The following CHCHD3 variants were observed in gnomAD, a reference collection of about 807,000 sequenced individuals.
CHCHD3 encodes MICOS complex subunit MIC19.
CHCHD3 carries 20 observed loss-of-function variants against 38.2 expected under a neutral mutation model. That is an observed-to-expected ratio of 0.52 (90% CI 0.37 to 0.76). CHCHD3 has a LOEUF of 0.76. CHCHD3 is among the 30% of genes least tolerant of loss of function. The pLI is 0.00. For synonymous variants in CHCHD3, 82 were observed against 100.0 expected (o/e 0.82, Z 1.07); for missense variants, 245 against 279.2 (o/e 0.88, Z 0.87).
chr7:132,856,292 T>TG (rs1808341216), intron 5 of CHCHD3, among the ~76,000 whole-genome samples: 1 of 152,166 alleles, frequency 6.6e-6, no homozygotes, highest in Non-Finnish European at 1.5e-5. Flanking sequence ...AGGCAGACAC[T>TG]GGGGATTTAG....
intron 4 of CHCHD3, among the ~76,000 whole-genome samples, chr7:132,940,530 G>T (rs747858457): frequency 6.6e-6 from 1 of 152,192 alleles, no homozygotes; most frequent in East Asian, 1.9e-4. Context: ...CGGTTCAGGG[G>T]TTTGGTTTTG....
chr7:132,971,152 A>G (rs1303009573), intron 4 of CHCHD3, among the ~76,000 whole-genome samples: 1 of 152,214 alleles, frequency 6.6e-6, no homozygotes, highest in African/African-American at 2.4e-5. Flanking sequence ...TACAATACAC[A>G]TATCAAGTTG....
chr7:133,053,361 C>A (rs1368335661), intron 2 of CHCHD3, among the ~76,000 whole-genome samples: 2 of 152,176 alleles, frequency 1.3e-5, no homozygotes, highest in Non-Finnish European at 2.9e-5. Context: ...TTGCAACACT[C>A]AGAGAATCTC....
At position 132,975,348 on chromosome 7, in the gene CHCHD3, T is replaced by C. The variant is rs1811736134; in HGVS notation, c.252-62A>G. On this transcript the variant is annotated intron_variant, in intron 3 of 7. Coordinates refer to ENST00000262570, the MANE Select transcript of CHCHD3 (RefSeq NM_017812.4). ...TTTTATTAGTTGACATTATTTTCTA[T>C]CAAATGAAATAATTTAAAAATAGAA... 5 of 1,354,780 alleles carry C rather than the reference T, an allele frequency of 3.7e-6. No individual in the cohort carries two copies. In the South Asian group the frequency reaches 6.2e-5, roughly 17 times the overall value. 83.9% of individuals were successfully genotyped at this position (1,354,780 alleles called of 1,614,324 possible).
At position 132,931,201 on chromosome 7, in the gene CHCHD3, G is replaced by T. The variant is rs185678898; in HGVS notation, c.369+43968C>A. On this transcript the variant is annotated intron_variant, in intron 4 of 7. Transcript: ENST00000262570. Reference sequence around the variant, plus strand: ...ATCCAGTTACTGAACTTTTTGATTCGCATTCCCCTCATCAATAAATGTTAA... The same window carrying T: ...ATCCAGTTACTGAACTTTTTGATTCTCATTCCCCTCATCAATAAATGTTAA... 1.6e-3 allele frequency among the ~76,000 whole-genome samples: 237 copies of T among 152,132 alleles called. 1 individual carries two copies. Among genetic ancestry groups the T allele is most frequent in the Middle Eastern group, 6.8e-3 (2 of 294 alleles).
chr7:133,035,361 G>A lies in CHCHD3; in HGVS notation c.170-10734C>T, dbSNP rs540782491. 1.9e-6 allele frequency: 3 copies of A among 1,612,360 alleles called. No individual in the cohort carries two copies. In the African/African-American group the frequency reaches 4.0e-5, roughly 21 times the overall value. The stretch of plus-strand genomic sequence containing the variant: ...AATGCAGGTGAGGAACCAGCGGTTG[G>A]TATTGCGAAAGGCCCGGCGGAAAGA... On this transcript the variant is annotated intron_variant, in intron 2 of 7. Coordinates refer to ENST00000262570, the MANE Select transcript of CHCHD3 (RefSeq NM_017812.4). This position sits in a 1 kb window ranked among gnomAD's most constrained non-coding sequence, Gnocchi z 4.7.
chr7:132,942,913 G>T (rs1810803635), intron 4 of CHCHD3, among the ~76,000 whole-genome samples: 1 of 152,130 alleles, frequency 6.6e-6, no homozygotes, highest in Non-Finnish European at 1.5e-5. Flanking sequence ...GCTGCAGGAG[G>T]TCTCTATTGC....
At chr7:133,060,617 C>T (rs1476893475) in intron 2 of CHCHD3, among the ~76,000 whole-genome samples, 2 of 152,096 alleles carry the variant, frequency 1.3e-5, no homozygotes, top group South Asian at 2.1e-4. Context: ...CGGTCAAAAA[C>T]CCAAAAGGAG....
chr7:132,870,351 C>CA (rs58488494), intron 5 of CHCHD3, among the ~76,000 whole-genome samples: 1,029 of 99,290 alleles, frequency 0.01, 18 homozygotes, highest in African/African-American at 0.033. Context: ...CCTATCTCAC[C>CA]AAAAAAAAAA....
intron 5 of CHCHD3, among the ~76,000 whole-genome samples, chr7:132,865,658 A>G (rs745397107): frequency 4.7e-5 from 7 of 150,452 alleles, no homozygotes; most frequent in Non-Finnish European, 8.8e-5. Flanking sequence ...TGAAAACTTA[A>G]GACAAAAGAA....
Position 132,975,353 on chromosome 7 carries a change from T to A in CHCHD3, c.252-67A>T, listed in dbSNP as rs1811736217. 3.8e-6 allele frequency: 5 copies of A among 1,331,240 alleles called. No homozygotes were observed. The East Asian group carries it at 1.2e-4, about 33-fold the overall frequency. 82.5% of individuals were successfully genotyped at this position (1,331,240 alleles called of 1,614,324 possible). Reference sequence around the variant, plus strand: ...TTAGTTGACATTATTTTCTATCAAATGAAATAATTTAAAAATAGAAACACA... The same window carrying A: ...TTAGTTGACATTATTTTCTATCAAAAGAAATAATTTAAAAATAGAAACACA... On this transcript the variant is annotated intron_variant, in intron 3 of 7. Coordinates refer to ENST00000262570, the MANE Select transcript of CHCHD3 (RefSeq NM_017812.4).
intron 2 of CHCHD3, among the ~76,000 whole-genome samples, chr7:133,038,101 T>C (rs1357977769): frequency 4.6e-5 from 7 of 152,116 alleles, no homozygotes; most frequent in Non-Finnish European, 8.8e-5. Flanking sequence ...CCAAAGAGAG[T>C]TGGCTGGGAT....
In CHCHD3 at chr7:132,938,929, C is replaced by A. The variant is rs193255070; in HGVS notation, c.369+36240G>T. On this transcript the variant is annotated intron_variant, in intron 4 of 7. Coordinates refer to ENST00000262570, the MANE Select transcript of CHCHD3 (RefSeq NM_017812.4). ...CACTTGGTAGCAGCAGGTAGTCTAT[C>A]CCTGGTGAGTGTCATTCTTGATCTC... is the stretch of plus-strand genomic sequence containing the variant. 4.3e-4 allele frequency among the ~76,000 whole-genome samples: 66 copies of A among 152,260 alleles called. 1 individual carries two copies. In the East Asian group the frequency reaches 0.012, roughly 28 times the overall value.
chr7:132,865,209 GCTC>G (rs1808588542), intron 5 of CHCHD3, among the ~76,000 whole-genome samples: 1 of 152,198 alleles, frequency 6.6e-6, no homozygotes, highest in Non-Finnish European at 1.5e-5. Flanking sequence ...ATGTCCCAAA[GCTC>G]CAGAAGAGTT....
At chr7:132,951,539 C>G (rs577205405) in intron 4 of CHCHD3, among the ~76,000 whole-genome samples, 15 of 152,212 alleles carry the variant, frequency 9.9e-5, no homozygotes, top group African/African-American at 3.1e-4. Context: ...GGTGACTGTG[C>G]ATGGTTATAC....
chr7:132,939,571 T>TTACTAG (rs1443650482), intron 4 of CHCHD3, among the ~76,000 whole-genome samples: 1 of 152,212 alleles, frequency 6.6e-6, no homozygotes, highest in East Asian at 1.9e-4. Flanking sequence ...GTACACTCTC[T>TTACTAG]AGTATTCACA....
intron 2 of CHCHD3, among the ~76,000 whole-genome samples, chr7:133,038,531 A>AT (rs1813741057): frequency 6.6e-6 from 1 of 152,212 alleles, no homozygotes. Flanking sequence ...CTCAAGTAGC[A>AT]TTTAATTTTG....
chr7:133,036,755 CA>C (rs1314183345), intron 2 of CHCHD3, among the ~76,000 whole-genome samples: 1 of 152,174 alleles, frequency 6.6e-6, no homozygotes, highest in Non-Finnish European at 1.5e-5. Flanking sequence ...AACATCATTA[CA>C]TAAACAGAAT....
intron 7 of CHCHD3, among the ~76,000 whole-genome samples, chr7:132,794,284 G>A (rs917145786): frequency 1.3e-5 from 2 of 152,186 alleles, no homozygotes; most frequent in Admixed American, 6.5e-5. Context: ...TGCCACTTAT[G>A]TATTTTGAAA....
Sources: gnomAD v4.1 joint callset for allele counts (sites outside exome capture counted in the v4.1 genomes callset) on GRCh38, gnomAD v4.1.1 for gene constraint, Gnocchi (gnomAD v3.1) non-coding constraint, MANE v1.5 for transcripts, NCBI Gene and HGNC (gene_info 2026-07-23, HGNC 2026-07-21) for gene names.